Variants in RAPGEF4 observed in about 807,000 individuals in gnomAD.
RAPGEF4 encodes the protein Rap guanine nucleotide exchange factor 4, also known as RAP guanine-nucleotide-exchange factor (GEF) 4.
In RAPGEF4, 66 loss-of-function variants were observed where a neutral mutation model predicts 147.9. That is an observed-to-expected ratio of 0.45 (90% CI 0.37 to 0.55). RAPGEF4 has a LOEUF of 0.55. Among genes scored for constraint, RAPGEF4 ranks in the 20% least tolerant of loss-of-function variants. The probability of loss-of-function intolerance (pLI) is 0.00; values close to 1 mark genes in which losing one functional copy is unlikely to be tolerated. For missense variants in RAPGEF4, 1,071 were observed against 1,257.3 expected (o/e 0.85, Z 2.24); for synonymous variants, 419 against 442.7 (o/e 0.95, Z 0.67).
chr2:173,036,137 A>T lies in RAPGEF4; in HGVS notation c.2713A>T (p.Asn905Tyr). 1 of 1,611,318 alleles carries T rather than the reference A, an allele frequency of 6.2e-7. No individual in the cohort carries two copies. Among genetic ancestry groups the T allele is most frequent in the Non-Finnish European group, 8.5e-7 (1 of 1,177,766 alleles). The change falls in exon 28 of 31, where the codon AAC becomes TAC. Residue 905 changes from asparagine to tyrosine, a missense_variant. By Grantham distance (143) the Asn-to-Tyr change is moderately radical. Coordinates refer to ENST00000397081, the MANE Select transcript of RAPGEF4 (RefSeq NM_007023.4). ...TTTCTCTCCTAAGGACCCTTCAAGG[A>T]ACCACAGGGCCTACAGGCTGACAGT... ...EFESLMDPSR[N>Y]HRAYRLTVAK...
intron 10 of RAPGEF4, among the ~76,000 whole-genome samples, chr2:172,973,900 G>C (rs774038346): frequency 7.2e-5 from 11 of 152,158 alleles, no homozygotes; most frequent in Non-Finnish European, 1.5e-4. Flanking sequence ...CTGAGCACAA[G>C]AGCTCTGGGT....
In RAPGEF4 at chr2:172,972,829, G is replaced by T. The variant is rs1300583518; in HGVS notation, c.1004+5385G>T. Among the ~76,000 whole-genome samples the T allele has an allele frequency of 2.0e-5, 3 of 152,072 alleles. No individual in the cohort carries two copies. The East Asian group carries it at 5.8e-4, about 29-fold the overall frequency. On this transcript the variant is annotated intron_variant, in intron 10 of 30. Coordinates refer to ENST00000397081, the MANE Select transcript of RAPGEF4 (RefSeq NM_007023.4). ...TGCTAAAGTCGATCTCTTTATTGGA[G>T]AAAATTTGGAAACCACTGACAAGAG...
chr2:172,873,931 A>G (rs1270285579), intron 4 of RAPGEF4, among the ~76,000 whole-genome samples: 2 of 152,228 alleles, frequency 1.3e-5, no homozygotes, highest in Admixed American at 6.5e-5. Context: ...TATGCGGCCA[A>G]CAAACATATG....
chr2:172,983,484 TTA>T lies in RAPGEF4; in HGVS notation c.1005-10_1005-9del. 1.9e-6 allele frequency: 3 copies of T among 1,584,728 alleles called. No individual in the cohort carries two copies. Among genetic ancestry groups the T allele is most frequent in the East Asian group, 2.2e-5 (1 of 44,680 alleles). On this transcript the variant is annotated splice_polypyrimidine_tract_variant and intron_variant, in intron 10 of 30. Coordinates refer to ENST00000397081, the MANE Select transcript of RAPGEF4 (RefSeq NM_007023.4). ...TTTTTCCATATTCCTTTTTTTTTTT[TTA>T]TCTTTGTAGACCTGGCCAGAGGACT... is the stretch of plus-strand genomic sequence containing the variant.
At chr2:172,938,888 TAA>T (rs1485648091) in intron 6 of RAPGEF4, among the ~76,000 whole-genome samples, 2 of 152,230 alleles carry the variant, frequency 1.3e-5, no homozygotes, top group Non-Finnish European at 2.9e-5. Flanking sequence ...TTACTCTCGA[TAA>T]AGTTTTGCCT....
At chr2:172,783,151 G>A (rs1276506584) in intron 1 of RAPGEF4, among the ~76,000 whole-genome samples, 1 of 152,216 alleles carries the variant, frequency 6.6e-6, no homozygotes, top group Non-Finnish European at 1.5e-5. Context: ...TCTGCCTAAT[G>A]ATGGGGTTTT....
intron 6 of RAPGEF4, among the ~76,000 whole-genome samples, chr2:172,935,789 A>T (rs928658865): frequency 2.6e-5 from 4 of 152,192 alleles, no homozygotes; most frequent in Admixed American, 2.0e-4. Flanking sequence ...TTTGATCTTA[A>T]GTCTTTTGAG....
At chr2:172,809,179 G>A (rs1057392346) in intron 3 of RAPGEF4, among the ~76,000 whole-genome samples, 1 of 152,168 alleles carries the variant, frequency 6.6e-6, no homozygotes, top group Non-Finnish European at 1.5e-5. Context: ...GGAAGGTGGT[G>A]TGACACAGCC....
At chr2:172,935,403 A>C (rs553009344) in intron 6 of RAPGEF4, among the ~76,000 whole-genome samples, 28 of 152,268 alleles carry the variant, frequency 1.8e-4, no homozygotes, top group African/African-American at 6.3e-4. Context: ...GAGCCAGTGT[A>C]GGTGGGATAC....
intron 1 of RAPGEF4, among the ~76,000 whole-genome samples, chr2:172,785,550 C>T (rs575684017): frequency 1.4e-3 from 207 of 152,180 alleles, no homozygotes; most frequent in South Asian, 5.4e-3. Context: ...TAAAAAGAGT[C>T]AAACTGAACC....
chr2:173,021,679 G>A (rs1696113934), intron 23 of RAPGEF4, among the ~76,000 whole-genome samples: 1 of 152,210 alleles, frequency 6.6e-6, no homozygotes, highest in Non-Finnish European at 1.5e-5. Flanking sequence ...AGGGATGCAT[G>A]AGTAGGTTTC....
At chr2:172,912,134 G>A (rs1559114786) in intron 4 of RAPGEF4, among the ~76,000 whole-genome samples, 1 of 152,170 alleles carries the variant, frequency 6.6e-6, no homozygotes, top group Non-Finnish European at 1.5e-5. Context: ...AACATATTCT[G>A]TGTTGTAGCT....
At chr2:172,939,212 A>G (rs1209355158) in intron 6 of RAPGEF4, among the ~76,000 whole-genome samples, 4 of 152,196 alleles carry the variant, frequency 2.6e-5, no homozygotes, top group Non-Finnish European at 5.9e-5. Flanking sequence ...TGGTAACACT[A>G]TATTTAGCTT....
At chr2:172,926,862 G>A (rs868010351) in intron 6 of RAPGEF4, among the ~76,000 whole-genome samples, 15 of 152,108 alleles carry the variant, frequency 9.9e-5, no homozygotes, top group South Asian at 4.1e-4. Context: ...GAGCTACCGC[G>A]CCCAGCCCGA....
chr2:172,740,988 G>A (rs1559016200), intron 1 of RAPGEF4, among the ~76,000 whole-genome samples: 1 of 152,224 alleles, frequency 6.6e-6, no homozygotes, highest in Non-Finnish European at 1.5e-5. Context: ...ATTATTCTCA[G>A]AAGTCCGTTT....
chr2:173,049,770 A>G (rs1447592992), intron 30 of RAPGEF4, among the ~76,000 whole-genome samples: 2 of 152,202 alleles, frequency 1.3e-5, no homozygotes, highest in Admixed American at 1.3e-4. Flanking sequence ...ATCATCAACT[A>G]TTCTTATGTG....
chr2:173,007,464 T>C lies in RAPGEF4; in HGVS notation c.1658+6120T>C, dbSNP rs16861143. 5.0e-3 allele frequency among the ~76,000 whole-genome samples: 767 copies of C among 152,318 alleles called. 10 individuals are homozygous for C. The highest frequency in any genetic ancestry group is 0.017 in the African/African-American group (715 of 41,574). ...ACTTAAACCCAGAAATGCCAGGTCT[T>C]ATGAAAAATTCCACAACAGTCCATT... On this transcript the variant is annotated intron_variant, in intron 17 of 30. Transcript: ENST00000397081.
At chr2:172,922,481 TG>T (rs1415107570) in intron 6 of RAPGEF4, among the ~76,000 whole-genome samples, 181 bp downstream of exon 6, 1 of 152,244 alleles carries the variant, frequency 6.6e-6, no homozygotes, top group East Asian at 1.9e-4. Flanking sequence ...GAAGGTTGAT[TG>T]CTCTGACATG....
chr2:172,779,245 A>G (rs1453476100), intron 1 of RAPGEF4, among the ~76,000 whole-genome samples: 1 of 152,200 alleles, frequency 6.6e-6, no homozygotes, highest in Non-Finnish European at 1.5e-5. Context: ...TATTACCATA[A>G]ATATTATGTT....
Sources: gnomAD v4.1 joint callset for allele counts (sites outside exome capture counted in the v4.1 genomes callset) on GRCh38, gnomAD v4.1.1 for gene constraint, MANE v1.5 for transcripts, NCBI Gene and HGNC (gene_info 2026-07-23, HGNC 2026-07-21) for gene names.